NALCN: variants seen among roughly 807,000 people sequenced by gnomAD.
NALCN encodes the protein sodium leak channel NALCN.
A neutral mutation model predicts 225.3 loss-of-function variants in NALCN; 111 were observed. The observed-to-expected ratio is 0.49, with a 90% CI of 0.42 to 0.58. The LOEUF (loss-of-function observed/expected upper bound fraction) is 0.58, where lower values mean the gene tolerates loss of function less well. NALCN is among the 20% of genes least tolerant of loss of function. NALCN has a pLI of 0.00. For synonymous variants in NALCN, 764 were observed against 769.0 expected (o/e 0.99, Z 0.11); for missense variants, 1,378 against 2,202.4 (o/e 0.63, Z 7.49).
chr13:101,120,809 C>T (rs2035939942), intron 18 of NALCN, among the ~76,000 whole-genome samples: 2 of 152,130 alleles, frequency 1.3e-5, no homozygotes, highest in African/African-American at 4.8e-5. Context: ...GTCGCTTTCT[C>T]TTTCTGGTCC....
At chr13:101,142,945 T>G (rs776673948) in intron 17 of NALCN, 135 bp downstream of exon 17, 17 of 1,256,238 alleles carry the variant, frequency 1.4e-5, no homozygotes, top group Non-Finnish European at 1.8e-5. Context: ...TCATGATATC[T>G]TTTACAAATG....
intron 28 of NALCN, among the ~76,000 whole-genome samples, chr13:101,095,081 G>C (rs2034432051): frequency 6.6e-6 from 1 of 152,152 alleles, no homozygotes; most frequent in South Asian, 2.1e-4. Context: ...ATATTAAAGG[G>C]AAAGTTAGAA....
At chr13:101,182,438 T>C (rs928141969) in intron 14 of NALCN, among the ~76,000 whole-genome samples, 14 of 152,174 alleles carry the variant, frequency 9.2e-5, no homozygotes, top group African/African-American at 3.4e-4. Flanking sequence ...AGGCAACAAA[T>C]TTAAAAATAA....
At chr13:101,186,837 TA>T (rs962490491) in intron 14 of NALCN, among the ~76,000 whole-genome samples, 18 of 152,264 alleles carry the variant, frequency 1.2e-4, no homozygotes, top group African/African-American at 4.3e-4. Flanking sequence ...AGAGATGAGC[TA>T]AAGACTTAAA....
chr13:101,274,436 T>C (rs1441411883), intron 10 of NALCN, among the ~76,000 whole-genome samples: 4 of 152,230 alleles, frequency 2.6e-5, no homozygotes, highest in African/African-American at 9.6e-5. Flanking sequence ...CCTTATGCTG[T>C]CTGTGCCTCA....
chr13:101,278,259 T>G (rs1463071208), intron 10 of NALCN, among the ~76,000 whole-genome samples: 1 of 152,170 alleles, frequency 6.6e-6, no homozygotes, highest in Non-Finnish European at 1.5e-5. Context: ...GCACAGTGGC[T>G]CACACCTGTA....
At chr13:101,305,743 T>C (rs940238373) in intron 7 of NALCN, among the ~76,000 whole-genome samples, 6 of 152,232 alleles carry the variant, frequency 3.9e-5, no homozygotes, top group African/African-American at 1.2e-4. Context: ...TTATAAAAGT[T>C]TGTCCAAATT....
chr13:101,231,076 A>G (rs2041328438), intron 12 of NALCN, among the ~76,000 whole-genome samples: 1 of 152,202 alleles, frequency 6.6e-6, no homozygotes, highest in African/African-American at 2.4e-5. Flanking sequence ...GCCTAGGTAT[A>G]TAGTGGGCTA....
At chr13:101,248,154 T>C (rs1188748808) in intron 11 of NALCN, among the ~76,000 whole-genome samples, 1 of 152,260 alleles carries the variant, frequency 6.6e-6, no homozygotes, top group East Asian at 1.9e-4. Flanking sequence ...TATAATAGAA[T>C]GATTTATATT....
chr13:101,315,612 C>T (rs887162008), intron 7 of NALCN, among the ~76,000 whole-genome samples: 1 of 152,112 alleles, frequency 6.6e-6, no homozygotes, highest in Non-Finnish European at 1.5e-5. Flanking sequence ...AGAATGTGTA[C>T]ACCACCCATT....
At chr13:101,098,133 T>C (rs1184280387) in intron 27 of NALCN, among the ~76,000 whole-genome samples, 2 of 152,084 alleles carry the variant, frequency 1.3e-5, no homozygotes, top group African/African-American at 4.8e-5. Flanking sequence ...CTTGCTCTCC[T>C]TGGAAGGTCC....
intron 39 of NALCN, among the ~76,000 whole-genome samples, chr13:101,066,097 G>A (rs1014167345): frequency 5.9e-5 from 9 of 152,030 alleles, no homozygotes; most frequent in Non-Finnish European, 1.0e-4. Context: ...AGGCCGAGGC[G>A]GGTGGATCAC....
At chr13:101,173,001 A>G (rs965467358) in intron 15 of NALCN, among the ~76,000 whole-genome samples, 1 of 152,246 alleles carries the variant, frequency 6.6e-6, no homozygotes, top group Non-Finnish European at 1.5e-5. Flanking sequence ...AAATGCTGCT[A>G]TGCTGCAAGC....
rs773607307 is a variant in NALCN, at chr13:101,103,300, G to A, written c.2929C>T (p.Pro977Ser). The change falls in exon 26 of 44, where the codon CCT (proline) becomes TCT (serine). Residue 977 changes from proline to serine, a missense_variant. By Grantham distance (74) the Pro-to-Ser change is moderately conservative. This residue lies in a region of NALCN where 292 missense variants were observed against 409.5 expected (regional missense o/e 0.71). Coordinates refer to ENST00000251127, the MANE Select transcript of NALCN (RefSeq NM_052867.4). Reference sequence around the variant, plus strand: ...AGAAGCTGAGCTCCCGATTCAGCAGGTACATTTTGAGGCATCCAACAAAGA... The same window carrying A: ...AGAAGCTGAGCTCCCGATTCAGCAGATACATTTTGAGGCATCCAACAAAGA... ...IFLCWMPQNV[P>S]AESGAQLLMV... 4 of 1,613,670 alleles carry A rather than the reference G, an allele frequency of 2.5e-6. No individual in the cohort carries two copies. The highest frequency in any genetic ancestry group is 3.4e-6 in the Non-Finnish European group (4 of 1,179,782).
chr13:101,142,751 G>C, intron 17 of NALCN: 1 of 326,326 alleles, frequency 3.1e-6, no homozygotes, highest in Non-Finnish European at 5.9e-6. Context: ...ACTTGCAGGA[G>C]ATGGCAGGTC....
At chr13:101,271,641 T>A (rs2042779086) in intron 10 of NALCN, among the ~76,000 whole-genome samples, 1 of 151,798 alleles carries the variant, frequency 6.6e-6, no homozygotes, top group African/African-American at 2.4e-5. Flanking sequence ...GGTATGTGCG[T>A]GTGTATGTGT....
intron 13 of NALCN, among the ~76,000 whole-genome samples, chr13:101,203,055 C>T (rs190766487): frequency 1.5e-4 from 23 of 152,038 alleles, no homozygotes; most frequent in African/African-American, 5.3e-4. Context: ...CATTGTCACT[C>T]GAAGATTGTT....
chr13:101,298,013 G>T (rs183074322), intron 7 of NALCN, among the ~76,000 whole-genome samples: 2 of 152,242 alleles, frequency 1.3e-5, no homozygotes, highest in African/African-American at 4.8e-5. Context: ...AAACTTACAC[G>T]TTACTCAACC....
At chr13:101,350,542 T>A (rs972319178) in intron 6 of NALCN, among the ~76,000 whole-genome samples, 4 of 152,308 alleles carry the variant, frequency 2.6e-5, no homozygotes, top group African/African-American at 9.6e-5. Context: ...TGGTCATCTG[T>A]TCATTGGATG....
Sources: allele counts gnomAD v4.1 joint callset (sites outside exome capture counted in the v4.1 genomes callset), GRCh38; gene constraint gnomAD v4.1.1; regional missense constraint gnomAD v4.1.1; transcripts MANE v1.5; gene names NCBI Gene and HGNC (gene_info 2026-07-23, HGNC 2026-07-21).